Variants in PRKAR1A observed in about 807,000 individuals in gnomAD.
PRKAR1A encodes cAMP-dependent protein kinase type I-alpha regulatory subunit.
PRKAR1A carries 3 observed loss-of-function variants against 52.0 expected under a neutral mutation model. That is an observed-to-expected ratio of 0.06 (90% CI 0.03 to 0.15). PRKAR1A has a LOEUF of 0.15. PRKAR1A is among the 10% of genes least tolerant of loss of function. The pLI is 1.00. For missense variants in PRKAR1A, 240 were observed against 477.4 expected, an observed-to-expected ratio of 0.50 and a Z score of 4.63; for synonymous variants, 188 against 168.4, an observed-to-expected ratio of 1.12 and a Z score of -0.90.
chr17:68,449,474 G>T, the PRKAR1A span, among the ~76,000 whole-genome samples: 1 of 152,178 alleles, frequency 6.6e-6, no homozygotes, highest in Non-Finnish European at 1.5e-5. Flanking sequence ...TCAGATCAGT[G>T]TCCCTCCCCA....
the PRKAR1A span, among the ~76,000 whole-genome samples, chr17:68,458,122 G>C: frequency 6.6e-6 from 1 of 152,194 alleles, no homozygotes; most frequent in Non-Finnish European, 1.5e-5. Flanking sequence ...TCCTGAAATG[G>C]GGCTGCCTCA....
intron 2 of PRKAR1A, among the ~76,000 whole-genome samples, chr17:68,521,073 C>T (rs2085590048): frequency 6.6e-6 from 1 of 152,152 alleles, no homozygotes; most frequent in Admixed American, 6.5e-5. Context: ...TCCTGAGTAG[C>T]TGGGGCTACA....
At chr17:68,425,234 C>T in the PRKAR1A span, among the ~76,000 whole-genome samples, 14 of 152,212 alleles carry the variant, frequency 9.2e-5, no homozygotes, top group Non-Finnish European at 2.1e-4. Flanking sequence ...GATAGAGTCT[C>T]ACTCTTTCAC....
chr17:68,528,797 CTTTATACTTTCTT>C, intron 8 of PRKAR1A, 60 bp from the exon 9 acceptor site: 1 of 1,584,512 alleles, frequency 6.3e-7, no homozygotes, highest in Non-Finnish European at 8.7e-7. Context: ...GGTTGAATCT[CTTTATACTTTCTT>C]TTTACCTTTA....
At chr17:68,549,736 G>A (rs2086745938) in intron 11 of PRKAR1A, among the ~76,000 whole-genome samples, 1 of 152,144 alleles carries the variant, frequency 6.6e-6, no homozygotes, top group Admixed American at 6.5e-5. Context: ...TAAACTCTAT[G>A]ACAACCAGAA....
the PRKAR1A span, among the ~76,000 whole-genome samples, chr17:68,455,361 C>CAA: frequency 0.017 from 1,696 of 102,432 alleles, 30 homozygotes; most frequent in Non-Finnish European, 0.023. Context: ...AAGACTGTCT[C>CAA]AAAAAAAAAA....
At chr17:68,466,806 C>A in the PRKAR1A span, among the ~76,000 whole-genome samples, 778 of 152,240 alleles carry the variant, frequency 5.1e-3, 2 homozygotes, top group African/African-American at 0.017. Flanking sequence ...TTTAAGTGAA[C>A]AACGCGGTGA....
chr17:68,485,003 T>C, the PRKAR1A span, among the ~76,000 whole-genome samples: 1 of 152,244 alleles, frequency 6.6e-6, no homozygotes, highest in Admixed American at 6.5e-5. Context: ...TTGTAAGAGA[T>C]CCACGGAATA....
At chr17:68,490,617 A>G in the PRKAR1A span, among the ~76,000 whole-genome samples, 1 of 152,036 alleles carries the variant, frequency 6.6e-6, no homozygotes, top group African/African-American at 2.4e-5. Context: ...GGTTTGGGGT[A>G]ATAAAACTTT....
chr17:68,417,851 C>G, the PRKAR1A span, among the ~76,000 whole-genome samples: 1 of 146,228 alleles, frequency 6.8e-6, no homozygotes, highest in Non-Finnish European at 1.5e-5. Context: ...CTGCCTCAGC[C>G]TCCCAGGTAG....
chr17:68,437,576 G>A, the PRKAR1A span, among the ~76,000 whole-genome samples: 8 of 151,780 alleles, frequency 5.3e-5, no homozygotes, highest in African/African-American at 1.9e-4. Flanking sequence ...AAGAAACCGA[G>A]CAATTTCTGA....
chr17:68,443,229 A>G, the PRKAR1A span, among the ~76,000 whole-genome samples: 63 of 150,518 alleles, frequency 4.2e-4, no homozygotes, highest in African/African-American at 1.5e-3. Context: ...TCCTGTCTCA[A>G]CCTCCCAAGT....
the PRKAR1A span, among the ~76,000 whole-genome samples, chr17:68,470,208 A>G: frequency 6.6e-6 from 1 of 151,264 alleles, no homozygotes; most frequent in African/African-American, 2.4e-5. Flanking sequence ...TCAGCCTCCT[A>G]ATAGCTGGGA....
intron 2 of PRKAR1A, among the ~76,000 whole-genome samples, chr17:68,518,024 C>G (rs2085486055): frequency 6.6e-6 from 1 of 152,218 alleles, no homozygotes; most frequent in African/African-American, 2.4e-5. Context: ...GCAAAAGGAT[C>G]TCCTTTGACT....
upstream of PRKAR1A, among the ~76,000 whole-genome samples, chr17:68,508,829 C>T (rs1007279226): frequency 6.6e-6 from 1 of 152,120 alleles, no homozygotes; most frequent in South Asian, 2.1e-4. Flanking sequence ...AACACCCCTC[C>T]TTAGTTTAAA....
chr17:68,548,969 T>C lies in PRKAR1A; in HGVS notation c.974-2115T>C, dbSNP rs1009732220. 2.6e-5 allele frequency among the ~76,000 whole-genome samples: 4 copies of C among 151,866 alleles called. No homozygotes were observed. The East Asian group carries it at 7.9e-4, about 30-fold the overall frequency. ...GGATGGTCTTGATCTCCTGACCTCG[T>C]GATCTGCCCGCCTCAGCCTCCCAAA... On this transcript the variant is annotated intron_variant, in intron 11 of 11. Coordinates refer to the PRKAR1A transcript ENST00000585981.
At chr17:68,414,543 T>A in the PRKAR1A span, among the ~76,000 whole-genome samples, 230 of 152,332 alleles carry the variant, frequency 1.5e-3, no homozygotes, top group Non-Finnish European at 2.8e-3. Context: ...TCTGGCTTCA[T>A]AGAATGAATT....
chr17:68,478,383 C>T, the PRKAR1A span, among the ~76,000 whole-genome samples: 284 of 152,184 alleles, frequency 1.9e-3, no homozygotes, highest in Admixed American at 3.9e-3. Flanking sequence ...ACCTGAGAGG[C>T]GGAGGTTGCA....
the PRKAR1A span, among the ~76,000 whole-genome samples, chr17:68,486,911 T>C: frequency 6.6e-6 from 1 of 152,052 alleles, no homozygotes; most frequent in Admixed American, 6.6e-5. Flanking sequence ...TCTTGCTCTG[T>C]CACCTCAGCT....
Sources: allele counts gnomAD v4.1 joint callset (sites outside exome capture counted in the v4.1 genomes callset), GRCh38; gene constraint gnomAD v4.1.1; transcripts MANE v1.5; gene names NCBI Gene and HGNC (gene_info 2026-07-23, HGNC 2026-07-21).